The following VWA3B variants were observed in gnomAD, a reference collection of about 807,000 sequenced individuals.
VWA3B encodes the protein von Willebrand factor A domain containing 3B, also known as von Willebrand factor A domain-containing protein 3B.
In VWA3B, 138 loss-of-function variants were observed where a neutral mutation model predicts 158.3. The observed-to-expected ratio is 0.87, with a 90% confidence interval of 0.76 to 1.00. The LOEUF is 1.00. VWA3B is among the 50% of genes least tolerant of loss of function. The pLI is 0.00. For synonymous variants in VWA3B, 596 were observed against 587.3 expected (o/e 1.01, Z -0.21); for missense variants, 1,555 against 1,565.1 (o/e 0.99, Z 0.11).
At chr2:98,225,884 T>A (rs1216971647) in intron 14 of VWA3B, among the ~76,000 whole-genome samples, 3 of 152,232 alleles carry the variant, frequency 2.0e-5, no homozygotes, top group African/African-American at 4.8e-5. Context: ...TAAAAAAGTA[T>A]GTACAGCAGT....
chr2:98,090,036 C>A (rs927579404), intron 1 of VWA3B, among the ~76,000 whole-genome samples: 17 of 152,030 alleles, frequency 1.1e-4, no homozygotes, highest in African/African-American at 3.4e-4. Context: ...AAAAGTGCTC[C>A]CTTTTAAACC....
chr2:98,148,710 G>A (rs772488537), intron 7 of VWA3B, among the ~76,000 whole-genome samples: 1 of 152,162 alleles, frequency 6.6e-6, no homozygotes, highest in Non-Finnish European at 1.5e-5. Flanking sequence ...TGTAACAACT[G>A]CCTTCACACC....
intron 5 of VWA3B, among the ~76,000 whole-genome samples, chr2:98,124,036 A>C (rs1239347690): frequency 6.6e-6 from 1 of 152,164 alleles, no homozygotes; most frequent in East Asian, 1.9e-4. Flanking sequence ...AGACCAAGTG[A>C]GTGGATTAAA....
Position 98,270,718 on chromosome 2 carries a change from C to A in VWA3B, c.2880C>A (p.Asn960Lys), listed in dbSNP as rs1273299908. The change falls in exon 22 of 28, where the codon AAC (asparagine) becomes AAA (lysine). Residue 960 changes from asparagine (N) to lysine (K), a missense_variant. Coordinates refer to ENST00000477737, the MANE Select transcript of VWA3B (RefSeq NM_144992.5). ...ACAAACCAATACAGTACTTGGAAAACAAAACAGTTTTAAACCAGGCTTTAG... is the reference window on the plus strand; with the variant it reads ...ACAAACCAATACAGTACTTGGAAAAAAAAACAGTTTTAAACCAGGCTTTAG... ...DANKPIQYLE[N>K]KTVLNQALER... is the part of the protein sequence containing the mutation. 1 of 1,614,076 alleles carries A rather than the reference C, an allele frequency of 6.2e-7. No homozygotes were observed. The highest frequency in any genetic ancestry group is 1.7e-5 in the Admixed American group (1 of 60,020).
intron 20 of VWA3B, among the ~76,000 whole-genome samples, chr2:98,252,883 C>T (rs1303762347): frequency 1.3e-5 from 2 of 151,926 alleles, no homozygotes; most frequent in African/African-American, 2.4e-5. Context: ...CTTTTAGTAC[C>T]CTCTAGAGAA....
intron 13 of VWA3B, chr2:98,216,966 G>A (rs1348940329): frequency 1.2e-5 from 15 of 1,255,478 alleles, no homozygotes; most frequent in African/African-American, 1.8e-5. Flanking sequence ...AGACTGTCAT[G>A]TGTATCATTG....
chr2:98,181,088 AAT>A lies in VWA3B; in HGVS notation c.1190_1191del (p.Tyr397TrpfsTer11). ...TGGGACTCTAAGACATGGCTGCAGA[AAT>A]ATGGCTTGAAGGCCCAGAAGCTATC... On this transcript the variant is annotated frameshift_variant, in exon 9 of 28. Coordinates refer to ENST00000477737, the MANE Select transcript of VWA3B (RefSeq NM_144992.5). LOFTEE classifies it high-confidence loss of function. The A allele has an allele frequency of 6.2e-7, 1 of 1,614,238 alleles. No homozygotes were observed. Among genetic ancestry groups the A allele is most frequent in the South Asian group, 1.1e-5 (1 of 91,086 alleles).
rs57194776 is a variant in VWA3B, at chr2:98,198,548, T to TA, written c.1737+4067dup. On this transcript the variant is annotated intron_variant, in intron 12 of 27. Transcript: ENST00000477737. ...GAATCTTATTTTAATTTGCATGCAGTAAAAAAAAAAACACTCTTTTTGGTG... is the reference window on the plus strand; with the variant it reads ...GAATCTTATTTTAATTTGCATGCAGTAAAAAAAAAAAACACTCTTTTTGGTG... Among the ~76,000 whole-genome samples the TA allele has an allele frequency of 9.3e-4, 140 of 150,022 alleles. 2 individuals are homozygous for TA. The highest frequency in any genetic ancestry group is 5.5e-3 in the South Asian group (26 of 4,730).
chr2:98,203,996 A>G (rs756086927), intron 12 of VWA3B, among the ~76,000 whole-genome samples: 8 of 152,372 alleles, frequency 5.3e-5, no homozygotes, highest in Non-Finnish European at 1.2e-4. Context: ...TTTGTTAGAT[A>G]TCATAGGTAA....
At chr2:98,248,175 A>G (rs1558723251) in intron 19 of VWA3B, among the ~76,000 whole-genome samples, 1 of 152,042 alleles carries the variant, frequency 6.6e-6, no homozygotes, top group Non-Finnish European at 1.5e-5. Flanking sequence ...TATGGCTGTA[A>G]CATCTTTGAA....
chr2:98,279,674 A>G (rs1021793423), intron 22 of VWA3B, among the ~76,000 whole-genome samples: 2 of 152,208 alleles, frequency 1.3e-5, no homozygotes, highest in African/African-American at 4.8e-5. Flanking sequence ...TATCATCCCC[A>G]GACTTAAAGG....
intron 23 of VWA3B, among the ~76,000 whole-genome samples, chr2:98,297,483 T>G (rs1220015876): frequency 6.6e-6 from 1 of 152,232 alleles, no homozygotes; most frequent in East Asian, 1.9e-4. Context: ...AGTTTATATT[T>G]CCTTTTTACT....
intron 8 of VWA3B, among the ~76,000 whole-genome samples, chr2:98,174,634 T>C (rs776778147): frequency 7.9e-5 from 12 of 152,212 alleles, no homozygotes; most frequent in African/African-American, 1.4e-4. Flanking sequence ...GGGATGTCCA[T>C]TGGTCTTTCC....
rs529156386 is a variant in VWA3B at position 98,285,388 on chromosome 2, A to G, written c.3046-5123A>G. Among the ~76,000 whole-genome samples, 7 of 152,252 alleles carry G rather than the reference A, an allele frequency of 4.6e-5. No individual in the cohort carries two copies. In the South Asian group the frequency reaches 1.5e-3, roughly 32 times the overall value. On this transcript the variant is annotated intron_variant, in intron 22 of 27. Coordinates refer to ENST00000477737, the MANE Select transcript of VWA3B (RefSeq NM_144992.5). ...TTTTTTATTATTATGAATAATGCTG[A>G]TATGAATCCTCATATACAGGTCTTT...
chr2:98,235,568 G>A (rs1339609023), intron 17 of VWA3B, among the ~76,000 whole-genome samples: 1 of 152,082 alleles, frequency 6.6e-6, no homozygotes, highest in Non-Finnish European at 1.5e-5. Context: ...TGGGATTACA[G>A]GCAGCCGCCA....
At chr2:98,275,633 T>C (rs889833300) in intron 22 of VWA3B, among the ~76,000 whole-genome samples, 1 of 152,236 alleles carries the variant, frequency 6.6e-6, no homozygotes, top group Non-Finnish European at 1.5e-5. Flanking sequence ...TTCACATACC[T>C]GGGAGAGTGC....
Position 98,093,245 on chromosome 2 carries a change from CTTGAAACAGATT to C in VWA3B, c.157_168del (p.Lys53_Leu56del). On this transcript the variant is annotated inframe_deletion, in exon 2 of 28. Coordinates refer to ENST00000477737, the MANE Select transcript of VWA3B (RefSeq NM_144992.5). Reference sequence around the variant, plus strand: ...ATGGGCTTAAGAGCAACAAATTGACCTTGAAACAGATTTTGTCACAGATCGGATTCCCACATT... The same window carrying C: ...ATGGGCTTAAGAGCAACAAATTGACCTTGTCACAGATCGGATTCCCACATT... The C allele has an allele frequency of 1.2e-6, 2 of 1,614,062 alleles. No homozygotes were observed. Among genetic ancestry groups the C allele is most frequent in the Non-Finnish European group, 1.7e-6 (2 of 1,179,986 alleles).
At chr2:98,218,720 G>A (rs1051991427) in intron 14 of VWA3B, among the ~76,000 whole-genome samples, 5 of 152,178 alleles carry the variant, frequency 3.3e-5, no homozygotes, top group Admixed American at 2.0e-4. Context: ...ATGTTCTGAG[G>A]AGTGACTTTA....
At chr2:98,153,028 C>T (rs1677761090) in intron 7 of VWA3B, among the ~76,000 whole-genome samples, 1 of 152,220 alleles carries the variant, frequency 6.6e-6, no homozygotes, top group African/African-American at 2.4e-5. Context: ...GCATACCTTT[C>T]ACCCTTTCAC....
Sources: allele counts gnomAD v4.1 joint callset (sites outside exome capture counted in the v4.1 genomes callset), GRCh38; gene constraint gnomAD v4.1.1; transcripts MANE v1.5; gene names NCBI Gene and HGNC (gene_info 2026-07-23, HGNC 2026-07-21).